Variants in SGCD observed in about 807,000 individuals in gnomAD.
The protein encoded by SGCD is sarcoglycan delta.
In SGCD, 18 loss-of-function variants were observed where a neutral mutation model predicts 36.6. The ratio of observed to expected loss-of-function variants is 0.49; its 90% CI spans 0.34 to 0.73. The LOEUF is 0.73. Among genes scored for constraint, SGCD ranks in the 30% least tolerant of loss-of-function variants. The probability of loss-of-function intolerance (pLI) is 0.01; values close to 1 mark genes in which losing one functional copy is unlikely to be tolerated. For synonymous variants in SGCD, 133 were observed against 130.6 expected (o/e 1.02, Z -0.12); for missense variants, 387 against 346.7 (o/e 1.12, Z -0.92).
chr5:155,934,325 G>A (rs1046308829), intron 1 of SGCD, among the ~76,000 whole-genome samples: 1 of 152,164 alleles, frequency 6.6e-6, no homozygotes, highest in African/African-American at 2.4e-5. Context: ...TGACTTAGTT[G>A]GCATCTTGCT....
intron 3 of SGCD, among the ~76,000 whole-genome samples, chr5:156,381,017 GTC>G (rs957870375): frequency 2.0e-5 from 3 of 152,180 alleles, no homozygotes; most frequent in African/African-American, 7.2e-5. Context: ...TCTCCAAGAA[GTC>G]TCTCTCATTC....
At chr5:155,966,683 G>C (rs772703589) in intron 1 of SGCD, among the ~76,000 whole-genome samples, 1 of 152,068 alleles carries the variant, frequency 6.6e-6, no homozygotes, top group Non-Finnish European at 1.5e-5. Flanking sequence ...TTCTAAAATG[G>C]AAGTGATAAT....
upstream of SGCD, among the ~76,000 whole-genome samples, chr5:156,322,643 A>G (rs531567404): frequency 1.3e-5 from 2 of 152,334 alleles, no homozygotes; most frequent in South Asian, 4.1e-4. Context: ...TGAATAAGAG[A>G]TAACTGCATG....
At chr5:155,761,414 ATCC>A in the SGCD span, among the ~76,000 whole-genome samples, 1 of 146,134 alleles carries the variant, frequency 6.8e-6, no homozygotes, top group African/African-American at 2.6e-5. Context: ...CCTCTCCATC[ATCC>A]TCTCTATCAC....
the SGCD span, among the ~76,000 whole-genome samples, chr5:155,841,733 A>G: frequency 6.6e-6 from 1 of 152,154 alleles, no homozygotes; most frequent in Non-Finnish European, 1.5e-5. Context: ...TAGGTTTTGT[A>G]GGGAAACTAT....
At chr5:155,914,815 C>T (rs142220750) in intron 1 of SGCD, among the ~76,000 whole-genome samples, 91 of 152,176 alleles carry the variant, frequency 6.0e-4, no homozygotes, top group African/African-American at 2.1e-3. Context: ...ATGCTATTAC[C>T]CAGCAGTGAA....
chr5:156,277,246 C>T (rs1043165549), intron 3 of SGCD, among the ~76,000 whole-genome samples: 3 of 152,130 alleles, frequency 2.0e-5, no homozygotes, highest in Non-Finnish European at 4.4e-5. Flanking sequence ...CAAGGAGGCT[C>T]CTTTCCCTCT....
intron 3 of SGCD, among the ~76,000 whole-genome samples, chr5:156,291,915 T>C (rs1462396828): frequency 6.6e-6 from 1 of 152,112 alleles, no homozygotes; most frequent in Non-Finnish European, 1.5e-5. Flanking sequence ...TAATGCATTG[T>C]TATTAATGAT....
At chr5:156,112,723 G>T (rs191418660) in intron 1 of SGCD, among the ~76,000 whole-genome samples, 1 of 152,218 alleles carries the variant, frequency 6.6e-6, no homozygotes, top group East Asian at 1.9e-4. Flanking sequence ...TGTTTGCACG[G>T]CCATTTAAGT....
At chr5:156,293,891 G>A (rs1766826126) in intron 3 of SGCD, among the ~76,000 whole-genome samples, 1 of 151,938 alleles carries the variant, frequency 6.6e-6, no homozygotes, top group Admixed American at 6.6e-5. Flanking sequence ...ATTTTGATAG[G>A]GATTGCATTA....
chr5:156,210,239 G>A (rs946215718), intron 3 of SGCD, among the ~76,000 whole-genome samples: 5 of 152,118 alleles, frequency 3.3e-5, no homozygotes, highest in African/African-American at 7.2e-5. Flanking sequence ...AAAAGACTTC[G>A]GCAACAAACT....
intron 1 of SGCD, among the ~76,000 whole-genome samples, chr5:156,099,176 C>T (rs897784689): frequency 2.0e-5 from 3 of 152,178 alleles, no homozygotes; most frequent in Non-Finnish European, 2.9e-5. Flanking sequence ...CAGCTAGCCC[C>T]GTCTTTTTAT....
intron 6 of SGCD, among the ~76,000 whole-genome samples, chr5:156,640,393 A>G (rs922086088): frequency 1.3e-5 from 2 of 152,202 alleles, no homozygotes; most frequent in African/African-American, 4.8e-5. Context: ...CCTTGAAGAT[A>G]ACATCACCCC....
intron 4 of SGCD, among the ~76,000 whole-genome samples, chr5:156,555,215 T>A (rs9686475): frequency 6.6e-5 from 10 of 151,968 alleles, no homozygotes; most frequent in African/African-American, 2.4e-4. Flanking sequence ...GAAGTGTTTT[T>A]ATTTTTGATG....
intron 3 of SGCD, among the ~76,000 whole-genome samples, chr5:156,133,158 A>C (rs1055110003): frequency 6.6e-6 from 1 of 152,186 alleles, no homozygotes; most frequent in African/African-American, 2.4e-5. Context: ...AGTTTCATTC[A>C]ATTTCAAGTG....
At chr5:155,967,500 G>A (rs1180154580) in intron 1 of SGCD, among the ~76,000 whole-genome samples, 2 of 151,920 alleles carry the variant, frequency 1.3e-5, no homozygotes, top group African/African-American at 2.4e-5. Context: ...AGCAGTCAGA[G>A]GTTGTTTAAG....
intron 1 of SGCD, among the ~76,000 whole-genome samples, chr5:155,919,683 C>G (rs1410860579): frequency 6.6e-6 from 1 of 152,066 alleles, no homozygotes; most frequent in Non-Finnish European, 1.5e-5. Flanking sequence ...AGGACAAGAC[C>G]CTTGGAAGGA....
chr5:156,744,214 G>A (rs556159602), intron 7 of SGCD, among the ~76,000 whole-genome samples: 6 of 152,290 alleles, frequency 3.9e-5, no homozygotes, highest in Non-Finnish European at 7.3e-5. Context: ...CAACCTACCT[G>A]AGCTGGAACA....
chr5:156,382,968 C>T (rs974227138), intron 3 of SGCD, among the ~76,000 whole-genome samples: 1 of 152,158 alleles, frequency 6.6e-6, no homozygotes, highest in South Asian at 2.1e-4. Flanking sequence ...GCATCCTTAG[C>T]AACAAACAAG....
Sources: gnomAD v4.1 joint callset for allele counts (sites outside exome capture counted in the v4.1 genomes callset) on GRCh38, gnomAD v4.1.1 for gene constraint, MANE v1.5 for transcripts, NCBI Gene and HGNC (gene_info 2026-07-23, HGNC 2026-07-21) for gene names.